Variants in NUP88 observed in about 807,000 individuals in gnomAD.
The protein encoded by NUP88 is nucleoporin 88.
NUP88 carries 57 observed loss-of-function variants against 93.9 expected under a neutral mutation model. The observed-to-expected ratio is 0.61, with a 90% CI of 0.49 to 0.76. The LOEUF (loss-of-function observed/expected upper bound fraction) is 0.76. Among genes scored for constraint, NUP88 ranks in the 30% least tolerant of loss-of-function variants. The pLI, the probability that NUP88 is intolerant of heterozygous loss-of-function variation, is 0.00. For synonymous variants in NUP88, 346 were observed against 336.8 expected (o/e 1.03, Z -0.30); for missense variants, 911 against 901.0 (o/e 1.01, Z -0.14).
At chr17:5,406,161 G>A (rs760571555) in intron 5 of NUP88, among the ~76,000 whole-genome samples, 3 of 152,004 alleles carry the variant, frequency 2.0e-5, no homozygotes, top group African/African-American at 7.2e-5. Flanking sequence ...AAGGATTTAT[G>A]GTGTACAAAG....
At chr17:5,403,468 C>T (rs929678097) in intron 7 of NUP88, among the ~76,000 whole-genome samples, 3 of 152,090 alleles carry the variant, frequency 2.0e-5, no homozygotes, top group Non-Finnish European at 4.4e-5. Context: ...CAGAGCGAGA[C>T]TCCATCTCAA....
intron 11 of NUP88, 79 bp from the exon 12 acceptor site, chr17:5,387,983 C>G: frequency 1.5e-6 from 2 of 1,356,526 alleles, no homozygotes; most frequent in Non-Finnish European, 2.0e-6. Context: ...GTCACAGGTG[C>G]TTTTTAAACT....
intron 12 of NUP88, 53 bp from the exon 13 acceptor site, chr17:5,387,723 A>C (rs200993664): frequency 2.0e-5 from 32 of 1,608,192 alleles, no homozygotes; most frequent in Non-Finnish European, 2.6e-5. Flanking sequence ...CTAGGCTACC[A>C]TACAGCATCA....
At chr17:5,389,491 T>TG (rs1912270349) in intron 10 of NUP88, among the ~76,000 whole-genome samples, 1 of 152,084 alleles carries the variant, frequency 6.6e-6, no homozygotes, top group Non-Finnish European at 1.5e-5. Context: ...CTAACGTGAA[T>TG]GTTTGGTTGG....
At chr17:5,394,815 G>GT (rs1912667489) in intron 9 of NUP88, 76 bp downstream of exon 9, 2 of 963,254 alleles carry the variant, frequency 2.1e-6, no homozygotes, top group Non-Finnish European at 3.4e-6. Flanking sequence ...GGATGTGAGT[G>GT]TAACGGATAC....
At position 5,387,367 on chromosome 17, in the gene NUP88, T is replaced by C; in HGVS notation, c.1916+19A>G. ...GTTAGTACCTGACTAGGTAACTAAA[T>C]GTTATACAGCCCACTGACCTGTTCA... On this transcript the variant is annotated intron_variant, in intron 14 of 16. Transcript: ENST00000573584. 1 of 1,601,872 alleles carries C rather than the reference T, an allele frequency of 6.2e-7. No individual in the cohort carries two copies. Among genetic ancestry groups the C allele is most frequent in the Non-Finnish European group, 8.6e-7 (1 of 1,169,116 alleles).
In NUP88 at chr17:5,387,639, GTTTC is replaced by G. The variant is rs754698850; in HGVS notation, c.1797_1800del (p.Lys599AsnfsTer3). On this transcript the variant is annotated frameshift_variant, in exon 13 of 17. Coordinates refer to ENST00000573584, the MANE Select transcript of NUP88 (RefSeq NM_002532.6). LOFTEE classifies it high-confidence loss of function. ...CGACAATAACTGAGATCTTCTAGTT[GTTTC>G]TTTTTTTGGTCACATAATAATTTGA... is the stretch of plus-strand genomic sequence containing the variant. 6.2e-7 allele frequency: 1 copy of G among 1,613,054 alleles called. No individual in the cohort carries two copies. The highest frequency in any genetic ancestry group is 2.2e-5 in the East Asian group (1 of 44,878).
rs1913429074 is a variant in NUP88, at chr17:5,405,237, T to G, written c.864A>C (p.Gly288=). Residue 288 remains glycine, a synonymous_variant, in exon 6 of 17, where the codon GGA becomes GGC. Coordinates refer to ENST00000573584, the MANE Select transcript of NUP88 (RefSeq NM_002532.6). ...ATGGACCCAACAGCTTTCCAATATT[T>G]CCAGGGCTAAAGAAGGAGTAAAAAC... is the stretch of plus-strand genomic sequence containing the variant. ...LTYISLLHSP[G]NIGKLLGPLP... The G allele has an allele frequency of 6.2e-7, 1 of 1,612,912 alleles. No homozygotes were observed. Among genetic ancestry groups the G allele is most frequent in the Admixed American group, 1.7e-5 (1 of 59,852 alleles).
intron 9 of NUP88, among the ~76,000 whole-genome samples, chr17:5,394,356 G>C (rs1437332017): frequency 1.3e-5 from 2 of 152,204 alleles, no homozygotes; most frequent in Non-Finnish European, 2.9e-5. Context: ...TGGAGGGACA[G>C]ACGTCAAGGA....
Position 5,419,493 on chromosome 17 carries a change from G to C in NUP88, c.158C>G (p.Pro53Arg), listed in dbSNP as rs551961860. The change falls in exon 1 of 17, where the codon CCG (proline) becomes CGG (arginine). Residue 53 changes from proline to arginine, a missense_variant. By Grantham distance (103) the Pro-to-Arg change is moderately radical. Coordinates refer to ENST00000573584, the MANE Select transcript of NUP88 (RefSeq NM_002532.6). ...GACCACGTTTCTCGTCAGCAACTGCGGCGGCGGCGACGAAGGCAACGACGA... is the reference window on the plus strand; with the variant it reads ...GACCACGTTTCTCGTCAGCAACTGCCGCGGCGGCGACGAAGGCAACGACGA... Reference protein sequence around the residue: ...ASSSLPSSPPPQLLTRNVVFG... With the variant: ...ASSSLPSSPPRQLLTRNVVFG... 6.2e-7 allele frequency: 1 copy of C among 1,613,706 alleles called. No homozygotes were observed. Among genetic ancestry groups the C allele is most frequent in the Middle Eastern group, 1.7e-4 (1 of 6,060 alleles).
Position 5,404,212 on chromosome 17 carries a change from A to T in NUP88, c.1079T>A (p.Ile360Asn). 1 of 1,614,094 alleles carries T rather than the reference A, an allele frequency of 6.2e-7. No homozygotes were observed. ...EKSWDSRIDL[I>N]PSLYVFECVE... is the part of the protein sequence containing the mutation. ...ACATTCAAACACATACAGAGAAGGAATGAGGTCAATCCTGGAATCCCAGGA... is the reference window on the plus strand; with the variant it reads ...ACATTCAAACACATACAGAGAAGGATTGAGGTCAATCCTGGAATCCCAGGA... The change falls in exon 7 of 17, where the codon ATT becomes AAT. Residue 360 changes from isoleucine (I) to asparagine (N), a missense_variant. By Grantham distance (149) the Ile-to-Asn change is moderately radical. Coordinates refer to ENST00000573584, the MANE Select transcript of NUP88 (RefSeq NM_002532.6).
At chr17:5,407,517 T>A (rs1913568381) in intron 5 of NUP88, among the ~76,000 whole-genome samples, 3 of 152,232 alleles carry the variant, frequency 2.0e-5, no homozygotes, top group Admixed American at 2.0e-4. Context: ...TAAACTCTAA[T>A]GCTCAGCCCT....
At position 5,394,670 on chromosome 17, in the gene NUP88, CT is replaced by C. The variant is rs926416274; in HGVS notation, c.1382+220del. 1.6e-3 allele frequency among the ~76,000 whole-genome samples: 239 copies of C among 151,718 alleles called. 2 individuals carry two copies. Among genetic ancestry groups the C allele is most frequent in the Non-Finnish European group, 2.6e-3 (178 of 67,924 alleles). On this transcript the variant is annotated intron_variant, in intron 9 of 16. Coordinates refer to ENST00000573584, the MANE Select transcript of NUP88 (RefSeq NM_002532.6). ...CAGCAAGCTGGGGCTGGGGCTGGGG[CT>C]GGGGAAGGACCTTCCAGTCAGGAAA...
intron 11 of NUP88, 36 bp downstream of exon 11, chr17:5,388,766 C>T: frequency 5.7e-6 from 9 of 1,582,310 alleles, no homozygotes; most frequent in Non-Finnish European, 7.8e-6. Context: ...CAGAAGAGAA[C>T]CCATTCATAA....
chr17:5,386,914 G>T, intron 15 of NUP88, 70 bp downstream of exon 15: 1 of 1,595,716 alleles, frequency 6.3e-7, no homozygotes, highest in Non-Finnish European at 8.5e-7. Context: ...TTACATTTTT[G>T]TAAAATTTTC....
intron 2 of NUP88, 119 bp from the exon 3 acceptor site, chr17:5,414,253 C>CG: frequency 1.2e-6 from 1 of 815,408 alleles, no homozygotes; most frequent in Non-Finnish European, 1.9e-6. Flanking sequence ...TGGAGTGTAA[C>CG]GGCACAATCT....
At chr17:5,417,144 T>C (rs1470911805) in intron 1 of NUP88, among the ~76,000 whole-genome samples, 2 of 152,224 alleles carry the variant, frequency 1.3e-5, no homozygotes, top group South Asian at 2.1e-4. Flanking sequence ...TTACTCATGC[T>C]TGCTTTTAAC....
chr17:5,414,720 A>C (rs1597331492), intron 2 of NUP88, among the ~76,000 whole-genome samples: 1 of 151,968 alleles, frequency 6.6e-6, no homozygotes, highest in African/African-American at 2.4e-5. Flanking sequence ...GGAGTTTGAG[A>C]CCAGCCTGGC....
chr17:5,399,468 C>A (rs563529036), intron 8 of NUP88, 84 bp downstream of exon 8: 5 of 676,614 alleles, frequency 7.4e-6, no homozygotes, highest in Non-Finnish European at 1.0e-5. Context: ...TATCATTTTT[C>A]TATTCCAAAC....
Sources: allele counts gnomAD v4.1 joint callset (sites outside exome capture counted in the v4.1 genomes callset), GRCh38; gene constraint gnomAD v4.1.1; transcripts MANE v1.5; gene names NCBI Gene and HGNC (gene_info 2026-07-23, HGNC 2026-07-21).